TMEM132D: variants seen among roughly 807,000 people sequenced by gnomAD.
TMEM132D encodes the protein transmembrane protein 132D.
TMEM132D carries 21 observed loss-of-function variants against 62.3 expected under a neutral mutation model. The observed-to-expected ratio is 0.34, with a 90% CI of 0.24 to 0.49. The LOEUF (loss-of-function observed/expected upper bound fraction) is 0.49, where lower values mean the gene tolerates loss of function less well. Ranked by LOEUF, TMEM132D falls within the 20% of genes least tolerant of loss-of-function variation. The probability of loss-of-function intolerance (pLI) is 0.99; values close to 1 mark genes in which losing one functional copy is unlikely to be tolerated. For synonymous variants in TMEM132D, 621 were observed against 575.6 expected (o/e 1.08, Z -1.13); for missense variants, 1,346 against 1,402.8 (o/e 0.96, Z 0.65).
In TMEM132D at chr12:129,337,638, G is replaced by A; in HGVS notation, c.1295C>T (p.Ala432Val). 6.2e-7 allele frequency: 1 copy of A among 1,613,656 alleles called. No individual in the cohort carries two copies. Among genetic ancestry groups the A allele is most frequent in the Non-Finnish European group, 8.5e-7 (1 of 1,179,814 alleles). The stretch of plus-strand genomic sequence containing the variant: ...CCCAGGGCGGGGCTTGCTTACCATA[G>A]CCAGCGGCACAACTCCAATCAAGTC... Reference protein sequence around the residue: ...PKDLIGVVPLAMEAEILNTAI... With the variant: ...PKDLIGVVPLVMEAEILNTAI... Residue 432 changes from alanine (A) to valine (V), a missense_variant, in exon 4 of 9, where the codon GCT becomes GTT. Transcript: ENST00000422113.
At chr12:129,143,696 C>A (rs948509356) in intron 5 of TMEM132D, among the ~76,000 whole-genome samples, 1 of 152,100 alleles carries the variant, frequency 6.6e-6, no homozygotes, top group Non-Finnish European at 1.5e-5. Flanking sequence ...AGTGGCCAGG[C>A]AGAGTCAATA....
At chr12:129,120,569 C>A (rs1876027814) in intron 5 of TMEM132D, among the ~76,000 whole-genome samples, 6 of 152,132 alleles carry the variant, frequency 3.9e-5, no homozygotes, top group Admixed American at 3.9e-4. Context: ...AAATTGGAGA[C>A]TTAGAAGACA....
chr12:129,078,448 C>T (rs867488125), intron 8 of TMEM132D, 86 bp downstream of exon 8: 36 of 1,382,900 alleles, frequency 2.6e-5, no homozygotes, highest in South Asian at 5.3e-5. Flanking sequence ...CTCTATTGTG[C>T]GACCCGCCTG....
At chr12:129,799,845 C>T (rs143541260) in intron 1 of TMEM132D, among the ~76,000 whole-genome samples, 1 of 152,276 alleles carries the variant, frequency 6.6e-6, no homozygotes, top group African/African-American at 2.4e-5. Flanking sequence ...CTCTGAAGAT[C>T]TCGCGTGTTA....
rs533967853 is a variant in TMEM132D, at chr12:129,739,131, C to T, written c.80-38433G>A. ...AGGACTGGCCTCTGCCCTAGCCCAG[C>T]TCACTCTTAGGCGGTATAGTGAGGA... On this transcript the variant is annotated intron_variant, in intron 1 of 8. Transcript: ENST00000422113. Among the ~76,000 whole-genome samples, 57 of 152,306 alleles carry T rather than the reference C, an allele frequency of 3.7e-4. 2 individuals carry two copies. The South Asian group carries it at 0.011, about 30-fold the overall frequency.
chr12:129,817,899 G>T (rs1454857163), intron 1 of TMEM132D, among the ~76,000 whole-genome samples: 1 of 146,718 alleles, frequency 6.8e-6, no homozygotes, highest in Non-Finnish European at 1.5e-5. Flanking sequence ...GGGTTTGTGT[G>T]TGCCTATGTG....
chr12:129,530,664 C>T (rs978484188), intron 3 of TMEM132D, among the ~76,000 whole-genome samples: 6 of 152,140 alleles, frequency 3.9e-5, no homozygotes, highest in Non-Finnish European at 8.8e-5. Context: ...GGAATGCACC[C>T]GTGTGAAGAG....
chr12:129,396,834 C>T (rs983612256), intron 3 of TMEM132D, among the ~76,000 whole-genome samples: 3 of 152,076 alleles, frequency 2.0e-5, no homozygotes, highest in African/African-American at 7.2e-5. Flanking sequence ...TACAAAAAAG[C>T]CATATTCTTG....
At chr12:129,809,768 G>A (rs936917397) in intron 1 of TMEM132D, among the ~76,000 whole-genome samples, 1 of 152,000 alleles carries the variant, frequency 6.6e-6, no homozygotes, top group African/African-American at 2.4e-5. Flanking sequence ...GGAAATATGA[G>A]CAGAAAATAT....
At chr12:129,763,644 T>C (rs1318457700) in intron 1 of TMEM132D, among the ~76,000 whole-genome samples, 1 of 152,094 alleles carries the variant, frequency 6.6e-6, no homozygotes, top group Non-Finnish European at 1.5e-5. Context: ...TGTTTCTGGG[T>C]TTTGAGACGT....
chr12:129,570,110 C>G (rs559872525), intron 2 of TMEM132D, among the ~76,000 whole-genome samples: 4 of 152,266 alleles, frequency 2.6e-5, no homozygotes, highest in Admixed American at 2.6e-4. Context: ...TGGTACGATA[C>G]AAGAGTCTGG....
chr12:129,555,028 A>T (rs951357547), intron 2 of TMEM132D, among the ~76,000 whole-genome samples: 2 of 152,222 alleles, frequency 1.3e-5, no homozygotes, highest in Non-Finnish European at 2.9e-5. Context: ...CTATTTTAGC[A>T]TCTCTCTGTC....
At chr12:129,724,011 C>A (rs1868937047) in intron 1 of TMEM132D, among the ~76,000 whole-genome samples, 1 of 152,184 alleles carries the variant, frequency 6.6e-6, no homozygotes, top group Non-Finnish European at 1.5e-5. Context: ...GGGGAGATTA[C>A]TCTGTATTAT....
chr12:129,314,609 T>A (rs891334724), intron 4 of TMEM132D, among the ~76,000 whole-genome samples: 1 of 152,248 alleles, frequency 6.6e-6, no homozygotes, highest in Non-Finnish European at 1.5e-5. Flanking sequence ...CCAGGCTCTT[T>A]CTTGATTCCA....
chr12:129,165,691 T>TC (rs71072449), intron 5 of TMEM132D, among the ~76,000 whole-genome samples: 62,598 of 150,916 alleles, frequency 0.41, 13,761 homozygotes, highest in Non-Finnish European at 0.49. Context: ...TTTTTTTTTT[T>TC]CCCCTACAAA....
chr12:129,082,320 C>G (rs1874481346), intron 6 of TMEM132D, among the ~76,000 whole-genome samples: 1 of 152,148 alleles, frequency 6.6e-6, no homozygotes, highest in African/African-American at 2.4e-5. Flanking sequence ...TGAGTGTGGG[C>G]TGGACCTAGT....
At chr12:129,368,209 C>T (rs1316347408) in intron 3 of TMEM132D, among the ~76,000 whole-genome samples, 1 of 151,902 alleles carries the variant, frequency 6.6e-6, no homozygotes, top group Non-Finnish European at 1.5e-5. Context: ...CTGTCATATG[C>T]AGTTAAAACT....
intron 3 of TMEM132D, among the ~76,000 whole-genome samples, chr12:129,425,422 A>G (rs112787321): frequency 0.048 from 5,689 of 118,734 alleles, 375 homozygotes; most frequent in African/African-American, 0.15. Context: ...TTTTTTTTCT[A>G]ATCTCTGCTT....
chr12:129,650,600 G>A (rs141398095), intron 2 of TMEM132D, among the ~76,000 whole-genome samples: 9 of 152,278 alleles, frequency 5.9e-5, no homozygotes, highest in East Asian at 1.9e-4. Flanking sequence ...TGGCTGCTTC[G>A]TTTCATCACC....
Sources: gnomAD v4.1 joint callset for allele counts (sites outside exome capture counted in the v4.1 genomes callset) on GRCh38, gnomAD v4.1.1 for gene constraint, MANE v1.5 for transcripts, NCBI Gene and HGNC (gene_info 2026-07-23, HGNC 2026-07-21) for gene names.